PCK1: variants seen among roughly 807,000 people sequenced by gnomAD.
PCK1 encodes the protein phosphoenolpyruvate carboxykinase 1, also known as phosphoenolpyruvate carboxykinase, cytosolic [GTP].
In PCK1, 44 loss-of-function variants were observed where a neutral mutation model predicts 50.3. The ratio of observed to expected loss-of-function variants is 0.87; its 90% CI spans 0.69 to 1.12. The LOEUF is 1.12. Among genes scored for constraint, PCK1 ranks in the 50% most tolerant of loss-of-function variants. The probability of loss-of-function intolerance (pLI) is 0.00; values close to 1 mark genes in which losing one functional copy is unlikely to be tolerated. For missense variants in PCK1, 790 were observed against 815.0 expected (o/e 0.97, Z 0.37); for synonymous variants, 332 against 314.3 (o/e 1.06, Z -0.59).
In PCK1 at chr20:57,562,670, C is replaced by T. The variant is rs373406753; in HGVS notation, c.407-26C>T. ...TTCGAAGTCCAAGGTCATTTCTCAC[C>T]AGTGCCCACCCATCGCACCCTGTAG... On this transcript the variant is annotated intron_variant, in intron 3 of 9. Coordinates refer to ENST00000319441, the MANE Select transcript of PCK1 (RefSeq NM_002591.4). 1.3e-4 allele frequency: 203 copies of T among 1,595,872 alleles called. 1 individual carries two copies. The highest frequency in any genetic ancestry group is 2.2e-5 in the East Asian group (1 of 44,764).
At position 57,565,079 on chromosome 20, in the gene PCK1, G is replaced by C. The variant is rs759756341; in HGVS notation, c.1358G>C (p.Gly453Ala). Residue 453 changes from glycine to alanine, a missense_variant, in exon 9 of 10, where the codon GGA (glycine) becomes GCA (alanine). Transcript: ENST00000319441. Reference protein sequence around the residue: ...LVYEALSWQHGVFVGAAMRSE... With the variant: ...LVYEALSWQHAVFVGAAMRSE... ...TATGAAGCTCTCAGCTGGCAACATG[G>C]AGTCTTTGTGGGGGCGGCCATGAGA... 6.2e-7 allele frequency: 1 copy of C among 1,614,018 alleles called. No individual in the cohort carries two copies.
At position 57,561,510 on chromosome 20, in the gene PCK1, T is replaced by A. The variant is rs772368340; in HGVS notation, c.99T>A (p.Asn33Lys). Residue 33 changes from asparagine (N) to lysine (K), a missense_variant, in exon 2 of 10, where the codon AAT becomes AAA. Physicochemically the swap from Asn to Lys is moderately conservative, Grantham distance 94. Coordinates refer to ENST00000319441, the MANE Select transcript of PCK1 (RefSeq NM_002591.4). Reference sequence around the variant, plus strand: ...AGGCAGTGAGGGAGTTTCTCGAGAATAACGCTGAGCTGTGTCAGCCTGATC... The same window carrying A: ...AGGCAGTGAGGGAGTTTCTCGAGAAAAACGCTGAGCTGTGTCAGCCTGATC... ...LPQAVREFLENNAELCQPDHI... is the reference protein window; with the variant it reads ...LPQAVREFLEKNAELCQPDHI... The A allele has an allele frequency of 5.0e-6, 8 of 1,613,826 alleles. No individual in the cohort carries two copies. The highest frequency in any genetic ancestry group is 1.6e-4 in the Middle Eastern group (1 of 6,062).
At position 57,566,827 on chromosome 20, in the gene PCK1, A is replaced by G. The variant is rs1304620435; in HGVS notation, c.*1023A>G. On this transcript the variant is annotated 3_prime_UTR_variant, in exon 10 of 10. Transcript: ENST00000319441. ...CAAAAATTACATTGTGGACAGTTTC[A>G]TAGGATTTTGCCTTTTAACTCTTCA... 2 of 152,182 alleles carry G rather than the reference A, an allele frequency of 1.3e-5. No homozygotes were observed. The highest frequency in any genetic ancestry group is 2.9e-5 in the Non-Finnish European group (2 of 68,046). The allele number at this position is 152,182 out of a possible 1,614,324, so 9.4% of individuals were successfully genotyped here.
intron 3 of PCK1, chr20:57,562,458 C>T (rs916627613): frequency 1.6e-6 from 1 of 626,342 alleles, no homozygotes; most frequent in Non-Finnish European, 2.8e-6. Context: ...AAACTAGTTC[C>T]ATGCATATGG....
At position 57,566,857 on chromosome 20, in the gene PCK1, AAC is replaced by A. The variant is rs2070209242; in HGVS notation, c.*1055_*1056del. On this transcript the variant is annotated 3_prime_UTR_variant, in exon 10 of 10. Transcript: ENST00000319441. ...ATTTTGCCTTTTAACTCTTCAAAGC[AAC>A]AGTTTTCTCAACTGTCATCCCCGCG... is the stretch of plus-strand genomic sequence containing the variant. 1 of 152,228 alleles carries A rather than the reference AAC, an allele frequency of 6.6e-6. No homozygotes were observed. The highest frequency in any genetic ancestry group is 1.5e-5 in the Non-Finnish European group (1 of 68,048). 9.4% of individuals were successfully genotyped at this position (152,228 alleles called of 1,614,324 possible). A position where few individuals can be genotyped will look rare whatever the true frequency, so the allele number is the denominator to read the frequency against.
rs373263968 is a variant in PCK1, at chr20:57,565,095, G to A, written c.1374G>A (p.Ala458=). 124 of 1,613,836 alleles carry A rather than the reference G, an allele frequency of 7.7e-5. 2 individuals are homozygous for A. The highest frequency in any genetic ancestry group is 6.7e-4 in the South Asian group (61 of 91,074). Residue 458 remains alanine (A), a synonymous_variant, in exon 9 of 10, where the codon GCG becomes GCA. Transcript: ENST00000319441. The part of the protein sequence containing the change: ...LSWQHGVFVG[A]AMRSEATAAA... The stretch of plus-strand genomic sequence containing the variant: ...GGCAACATGGAGTCTTTGTGGGGGC[G>A]GCCATGAGATCAGAGGCCACAGCGG...
chr20:57,561,480 A>G lies in PCK1; in HGVS notation c.69A>G (p.Leu23=), dbSNP rs1042521. The change falls in exon 2 of 10, where the codon CTA becomes CTG. Residue 23 remains leucine (L), a synonymous_variant. Transcript: ENST00000319441. Reference sequence around the variant, plus strand: ...TTGTCCAGGGAAGCCTGGACAGCCTACCCCAGGCAGTGAGGGAGTTTCTCG... The same window carrying G: ...TTGTCCAGGGAAGCCTGGACAGCCTGCCCCAGGCAGTGAGGGAGTTTCTCG... ...AKVVQGSLDS[L]PQAVREFLEN... 778,755 of 1,612,858 alleles carry G rather than the reference A, an allele frequency of 0.48. 191,377 individuals are homozygous for G. Among genetic ancestry groups the G allele is most frequent in the Middle Eastern group, 0.58 (3,495 of 6,062 alleles).
intron 6 of PCK1, 103 bp from the exon 7 acceptor site, chr20:57,564,066 A>G (rs2070178668): frequency 6.7e-6 from 5 of 745,854 alleles, no homozygotes; most frequent in African/African-American, 3.5e-5. Flanking sequence ...GAGGGAAAAA[A>G]GATTTGAGAA....
At position 57,566,536 on chromosome 20, in the gene PCK1, C is replaced by T. The variant is rs1452203733; in HGVS notation, c.*732C>T. 1.3e-5 allele frequency: 2 copies of T among 152,080 alleles called. No homozygotes were observed. The highest frequency in any genetic ancestry group is 2.1e-4 in the South Asian group (1 of 4,830). The allele number at this position is 152,080 out of a possible 1,614,324, so 9.4% of individuals were successfully genotyped here. A position where few individuals can be genotyped will look rare whatever the true frequency, so the allele number is the denominator to read the frequency against. On this transcript the variant is annotated 3_prime_UTR_variant, in exon 10 of 10. Coordinates refer to ENST00000319441, the MANE Select transcript of PCK1 (RefSeq NM_002591.4). The stretch of plus-strand genomic sequence containing the variant: ...TGATTAAATATCTTGTGATTTAAAT[C>T]CTGCCCCCTCCCCAAGAAGGTGGGG...
chr20:57,564,707 G>A (rs1303172785), intron 8 of PCK1, 94 bp downstream of exon 8: 1 of 1,129,702 alleles, frequency 8.9e-7, no homozygotes, highest in Non-Finnish European at 1.3e-6. Context: ...CTTGTCAGAG[G>A]GTGCCCAGGG....
chr20:57,562,917 G>A lies in PCK1; in HGVS notation c.610+18G>A. 6.3e-7 allele frequency: 1 copy of A among 1,595,036 alleles called. No homozygotes were observed. Among genetic ancestry groups the A allele is most frequent in the Non-Finnish European group, 8.6e-7 (1 of 1,163,860 alleles). ...TTTACAAAGTAAGTGTATTATTTCA[G>A]AATCAAAAGTCAAAATAAAAAAGAA... is the stretch of plus-strand genomic sequence containing the variant. On this transcript the variant is annotated intron_variant, in intron 4 of 9. Transcript: ENST00000319441.
Position 57,564,471 on chromosome 20 carries a change from C to T in PCK1, c.1187-11C>T, listed in dbSNP as rs992801979. On this transcript the variant is annotated splice_polypyrimidine_tract_variant and intron_variant, in intron 7 of 9. Transcript: ENST00000319441. ...GAGCCAGGCACTCACGAGCCTTTCT[C>T]TGTCTTATAGGGGAACCTTGTGCCC... 5.6e-6 allele frequency: 9 copies of T among 1,614,092 alleles called. No individual in the cohort carries two copies. In the African/African-American group the frequency reaches 1.2e-4, roughly 22 times the overall value.
chr20:57,563,217 T>C lies in PCK1; in HGVS notation c.798+2T>C. ...GGGTGGCTGGCAGAGCACATGCTGG[T>C]GAGCCTGCAGGAAGCCCTGATGTGC... On this transcript the variant is annotated splice_donor_variant, in intron 5 of 9. Transcript: ENST00000319441. LOFTEE classifies it high-confidence loss of function. The C allele has an allele frequency of 1.2e-6, 2 of 1,613,032 alleles. No homozygotes were observed. Among genetic ancestry groups the C allele is most frequent in the Non-Finnish European group, 1.7e-6 (2 of 1,179,818 alleles).
At chr20:57,561,349 G>C (rs971045641) in intron 1 of PCK1, 23 bp from the exon 2 acceptor site, 21 of 1,065,616 alleles carry the variant, frequency 2.0e-5, no homozygotes, top group Non-Finnish European at 3.0e-5. Flanking sequence ...TTTTGTTCAG[G>C]ACGCTTGCGT....
rs1054922986 is a variant in PCK1 at position 57,565,711 on chromosome 20, C to G, written c.1776C>G (p.Ile592Met). Reference sequence around the variant, plus strand: ...TCTGGGAGAAGGAGGTGGAAGACATCGAGAAGTATCTGGAGGATCAAGTCA... The same window carrying G: ...TCTGGGAGAAGGAGGTGGAAGACATGGAGAAGTATCTGGAGGATCAAGTCA... ...KEFWEKEVEDIEKYLEDQVNA... is the reference protein window; with the variant it reads ...KEFWEKEVEDMEKYLEDQVNA... The change falls in exon 10 of 10, where the codon ATC becomes ATG. Residue 592 changes from isoleucine to methionine, a missense_variant. By Grantham distance (10) the Ile-to-Met change is conservative (BLOSUM62 1). Transcript: ENST00000319441. 1 of 1,613,628 alleles carries G rather than the reference C, an allele frequency of 6.2e-7. No homozygotes were observed. Among genetic ancestry groups the G allele is most frequent in the African/African-American group, 1.3e-5 (1 of 74,924 alleles).
intron 3 of PCK1, 105 bp from the exon 4 acceptor site, chr20:57,562,591 T>C: frequency 1.1e-6 from 1 of 885,966 alleles, no homozygotes; most frequent in South Asian, 1.6e-5. Context: ...GGTGTGGTGG[T>C]GTTAGTGGAA....
chr20:57,565,648 C>T lies in PCK1; in HGVS notation c.1713C>T (p.His571=). 1.9e-6 allele frequency: 3 copies of T among 1,614,090 alleles called. No homozygotes were observed. The highest frequency in any genetic ancestry group is 2.5e-6 in the Non-Finnish European group (3 of 1,179,998). Reference sequence around the variant, plus strand: ...CCCTGAACCTGAAAGGCCTGGGGCACATCAACATGATGGAGCTTTTCAGCA... The same window carrying T: ...CCCTGAACCTGAAAGGCCTGGGGCATATCAACATGATGGAGCTTTTCAGCA... ...EDALNLKGLG[H]INMMELFSIS... The change falls in exon 10 of 10, where the codon CAC becomes CAT. Residue 571 remains histidine (H), a synonymous_variant. Transcript: ENST00000319441.
At position 57,562,068 on chromosome 20, in the gene PCK1, C is replaced by T. The variant is rs764643804; in HGVS notation, c.225-3C>T. 3.7e-6 allele frequency: 6 copies of T among 1,610,732 alleles called. No homozygotes were observed. In the Middle Eastern group the frequency reaches 6.7e-4, roughly 179 times the overall value. On this transcript the variant is annotated splice_polypyrimidine_tract_variant and splice_region_variant and intron_variant, in intron 2 of 9. Coordinates refer to ENST00000319441, the MANE Select transcript of PCK1 (RefSeq NM_002591.4). The stretch of plus-strand genomic sequence containing the variant: ...GCTGAAAGGAAGCCTGTGATTTTTG[C>T]AGCTGGTTGGCTCTCACTGACCCCA...
In PCK1 at chr20:57,566,931, G is replaced by A. The variant is rs369261611; in HGVS notation, c.*1127G>A. 4.6e-5 allele frequency: 7 copies of A among 152,280 alleles called. No homozygotes were observed. The East Asian group carries it at 7.7e-4, about 17-fold the overall frequency. 9.4% of individuals were successfully genotyped at this position (152,280 alleles called of 1,614,324 possible). A position where few individuals can be genotyped will look rare whatever the true frequency, so the allele number is the denominator to read the frequency against. On this transcript the variant is annotated 3_prime_UTR_variant, in exon 10 of 10. Coordinates refer to ENST00000319441, the MANE Select transcript of PCK1 (RefSeq NM_002591.4). ...GAGAAGGAAAAGGGGACAGGATCTG[G>A]GTTGAGCAAGCATTAATTGAGCGCC...
Sources: gnomAD v4.1 joint callset for allele counts on GRCh38, gnomAD v4.1.1 for gene constraint, MANE v1.5 for transcripts, NCBI Gene and HGNC (gene_info 2026-07-23, HGNC 2026-07-21) for gene names.